PTK7: variants seen among roughly 807,000 people sequenced by gnomAD.
PTK7 encodes the protein protein tyrosine kinase 7 (inactive).
PTK7 carries 39 observed loss-of-function variants against 116.6 expected under a neutral mutation model. That is an observed-to-expected ratio of 0.33 (90% CI 0.26 to 0.44). The LOEUF is 0.44. Among genes scored for constraint, PTK7 ranks in the 20% least tolerant of loss-of-function variants. PTK7 has a pLI of 1.00. For synonymous variants in PTK7, 546 were observed against 563.6 expected, an observed-to-expected ratio of 0.97 and a Z score of 0.44; for missense variants, 1,169 against 1,425.6, an observed-to-expected ratio of 0.82 and a Z score of 2.90.
intron 1 of PTK7, among the ~76,000 whole-genome samples, chr6:43,128,125 C>A (rs756416593): frequency 6.6e-6 from 1 of 152,154 alleles, no homozygotes; most frequent in African/African-American, 2.4e-5. Context: ...CTGGCACCGT[C>A]GAGGGGCATG....
intron 18 of PTK7, 76 bp downstream of exon 18, chr6:43,159,044 G>A (rs1771680910): frequency 6.4e-7 from 1 of 1,571,824 alleles, no homozygotes. Flanking sequence ...ATAGTTTGGG[G>A]GGTGTGGGAA....
chr6:43,116,604 TTGTGTGTG>T (rs751605217), intron 1 of PTK7, among the ~76,000 whole-genome samples: 8,876 of 119,026 alleles, frequency 0.075, 313 homozygotes, highest in Middle Eastern at 0.11. Context: ...AAAAGCTGGT[TTGTGTGTG>T]TGTGTGTGTG....
In PTK7 at chr6:43,143,576, A is replaced by C; in HGVS notation, c.2207A>C (p.Gln736Pro). 6.2e-7 allele frequency: 1 copy of C among 1,613,394 alleles called. No homozygotes were observed. Among genetic ancestry groups the C allele is most frequent in the South Asian group, 1.1e-5 (1 of 91,046 alleles). The change falls in exon 14 of 20, where the codon CAG becomes CCG. Residue 736 changes from glutamine to proline, a missense_variant. Transcript: ENST00000230419. This position sits in a 1 kb window ranked among gnomAD's most constrained non-coding sequence, Gnocchi z 4.2. ...AAGCGCTGCAAAGCCAAGCGGCTGC[A>C]GAAGCAGCCCGAGGGCGAGGAGCCA... ...CKKRCKAKRLQKQPEGEEPEM... is the reference protein window; with the variant it reads ...CKKRCKAKRLPKQPEGEEPEM...
In PTK7 at chr6:43,087,652, TGGGCAGGTCCCATCCTCTTCTCCA is replaced by T. The variant is rs1167631981; in HGVS notation, c.79+11088_79+11111del. ...TTGCCTAAAACTGCCTGTGTGACCA[TGGGCAGGTCCCATCCTCTTCTCCA>T]GGCTTCAACTTCAGAACAGAAGACC... On this transcript the variant is annotated intron_variant, in intron 1 of 19. Coordinates refer to ENST00000230419, the MANE Select transcript of PTK7 (RefSeq NM_002821.5). Among the ~76,000 whole-genome samples the T allele has an allele frequency of 2.6e-5, 4 of 152,318 alleles. No homozygotes were observed. In the East Asian group the frequency reaches 7.7e-4, roughly 29 times the overall value.
chr6:43,083,868 C>T (rs563619814), intron 1 of PTK7, among the ~76,000 whole-genome samples: 1 of 152,172 alleles, frequency 6.6e-6, no homozygotes, highest in African/African-American at 2.4e-5. Context: ...GACAAAGTCC[C>T]GAGTCGCAGG....
At chr6:43,130,192 AC>A (rs1296126284) in intron 3 of PTK7, 37 bp from the exon 4 acceptor site, 2 of 1,526,798 alleles carry the variant, frequency 1.3e-6, no homozygotes, top group Non-Finnish European at 8.8e-7. Flanking sequence ...GCCACTGAGT[AC>A]CCCTCCCCAC....
At chr6:43,136,384 C>T (rs575779484) in intron 7 of PTK7, among the ~76,000 whole-genome samples, 5 of 152,048 alleles carry the variant, frequency 3.3e-5, no homozygotes, top group Admixed American at 1.3e-4. Context: ...AAACAACAGC[C>T]GTTGACATGC....
chr6:43,157,795 C>T (rs573399865), intron 17 of PTK7, among the ~76,000 whole-genome samples: 6 of 151,940 alleles, frequency 3.9e-5, no homozygotes, highest in Admixed American at 1.3e-4. Flanking sequence ...GGCGCAATCT[C>T]GGCTCACCAC....
chr6:43,152,302 G>A (rs1278193493), intron 17 of PTK7, among the ~76,000 whole-genome samples: 1 of 152,232 alleles, frequency 6.6e-6, no homozygotes, highest in Admixed American at 6.5e-5. Flanking sequence ...GGAGGCCGAG[G>A]CAGGCAGATC....
At chr6:43,079,760 C>T (rs1766264301) in intron 1 of PTK7, among the ~76,000 whole-genome samples, 1 of 151,888 alleles carries the variant, frequency 6.6e-6, no homozygotes, top group Non-Finnish European at 1.5e-5. Flanking sequence ...CCAGCTTCTC[C>T]TGTATACTTT....
At chr6:43,079,687 C>T (rs1029162009) in intron 1 of PTK7, among the ~76,000 whole-genome samples, 1 of 152,096 alleles carries the variant, frequency 6.6e-6, no homozygotes, top group African/African-American at 2.4e-5. Flanking sequence ...AATTCCTGGG[C>T]TCAAGCAGTC....
chr6:43,160,147 G>A (rs755277431), intron 19 of PTK7, among the ~76,000 whole-genome samples, 181 bp downstream of exon 19: 9 of 152,250 alleles, frequency 5.9e-5, no homozygotes, highest in Admixed American at 1.3e-4. Context: ...ACGGAGTGTC[G>A]CCCTGTCGCC....
At chr6:43,138,769 A>C in intron 7 of PTK7, 80 bp from the exon 8 acceptor site, 1 of 1,508,942 alleles carries the variant, frequency 6.6e-7, no homozygotes, top group African/African-American at 1.4e-5. Flanking sequence ...CTAGAATGGT[A>C]GTAGGATTTC....
Position 43,145,426 on chromosome 6 carries a change from G to A in PTK7, c.2634G>A (p.Val878=). 3 of 1,571,874 alleles carry A rather than the reference G, an allele frequency of 1.9e-6. No homozygotes were observed. Among genetic ancestry groups the A allele is most frequent in the Non-Finnish European group, 2.6e-6 (3 of 1,153,848 alleles). ...CCCACTACATGGTGCTGGAATATGT[G>A]GATCTGGTATGCTGTTGGCAGGGGA... ...AEPHYMVLEY[V]DLGDLKQFLR... Residue 878 remains valine (V), a synonymous_variant, in exon 16 of 20, where the codon GTG becomes GTA. Coordinates refer to ENST00000230419, the MANE Select transcript of PTK7 (RefSeq NM_002821.5). The surrounding 1 kb of genome is among the most constrained non-coding windows in gnomAD (Gnocchi z 4.8).
At chr6:43,154,259 C>T (rs1771289688) in intron 17 of PTK7, among the ~76,000 whole-genome samples, 1 of 151,884 alleles carries the variant, frequency 6.6e-6, no homozygotes, top group Non-Finnish European at 1.5e-5. Flanking sequence ...TCACTTGAGC[C>T]TGGGAGGTTG....
intron 4 of PTK7, 42 bp from the exon 5 acceptor site, chr6:43,130,463 AGGGCCT>A: frequency 1.2e-6 from 2 of 1,609,354 alleles, no homozygotes; most frequent in Non-Finnish European, 1.7e-6. Context: ...TGAGCACAGG[AGGGCCT>A]CACCACCCAG....
chr6:43,101,534 A>G (rs1357187066), intron 1 of PTK7, among the ~76,000 whole-genome samples: 1 of 151,906 alleles, frequency 6.6e-6, no homozygotes, highest in Non-Finnish European at 1.5e-5. Context: ...CCTGGGTCAC[A>G]GAGCAAGACT....
At position 43,139,856 on chromosome 6, in the gene PTK7, G is replaced by A. The variant is rs373666255; in HGVS notation, c.1618+331G>A. On this transcript the variant is annotated intron_variant, in intron 10 of 19. Transcript: ENST00000230419. This position sits in a 1 kb window ranked among gnomAD's most constrained non-coding sequence, Gnocchi z 4.6. ...AGGCCGTGCATAGTGGCTCACGCCTGTAATCCCAACACTTTGGGAAGCCGA... is the reference window on the plus strand; with the variant it reads ...AGGCCGTGCATAGTGGCTCACGCCTATAATCCCAACACTTTGGGAAGCCGA... Among the ~76,000 whole-genome samples, 70 of 152,360 alleles carry A rather than the reference G, an allele frequency of 4.6e-4. No homozygotes were observed. Among genetic ancestry groups the A allele is most frequent in the African/African-American group, 1.6e-3 (66 of 41,584 alleles).
At position 43,130,559 on chromosome 6, in the gene PTK7, C is replaced by T. The variant is rs1474723619; in HGVS notation, c.710C>T (p.Ala237Val). The T allele has an allele frequency of 3.1e-6, 5 of 1,614,082 alleles. No individual in the cohort carries two copies. Among genetic ancestry groups the T allele is most frequent in the South Asian group, 2.2e-5 (2 of 91,074 alleles). ...CTGGCACCCCAGGACGTGGTAGTAG[C>T]GAGGTATGAGGAGGCCATGTTCCAT... ...VVLAPQDVVVARYEEAMFHCQ... is the reference protein window; with the variant it reads ...VVLAPQDVVVVRYEEAMFHCQ... The change falls in exon 5 of 20, where the codon GCG (alanine) becomes GTG (valine). Residue 237 changes from alanine to valine, a missense_variant. Transcript: ENST00000230419.
Sources: allele counts gnomAD v4.1 joint callset (sites outside exome capture counted in the v4.1 genomes callset), GRCh38; gene constraint gnomAD v4.1.1; non-coding constraint Gnocchi (gnomAD v3.1); transcripts MANE v1.5; gene names NCBI Gene and HGNC (gene_info 2026-07-23, HGNC 2026-07-21).